COL5A1: variants seen among roughly 807,000 people sequenced by gnomAD.
The protein encoded by COL5A1 is collagen type V alpha 1 chain, also known as collagen alpha-1(V) chain.
In COL5A1, 16 loss-of-function variants were observed where a neutral mutation model predicts 263.7. The observed-to-expected ratio is 0.06, with a 90% confidence interval of 0.04 to 0.09. COL5A1 has a LOEUF of 0.09. COL5A1 is among the 10% of genes least tolerant of loss of function. The pLI is 1.00. For synonymous variants in COL5A1, 1,012 were observed against 1,004.5 expected (o/e 1.01, Z -0.14); for missense variants, 2,036 against 2,540.5 (o/e 0.80, Z 4.27).
intron 1 of COL5A1, among the ~76,000 whole-genome samples, chr9:134,646,880 G>A (rs1831493403): frequency 6.6e-6 from 1 of 152,192 alleles, no homozygotes; most frequent in African/African-American, 2.4e-5. Flanking sequence ...CCTCTGAGGG[G>A]CTGTCGGATG....
At chr9:134,761,580 C>T (rs768721246) in intron 18 of COL5A1, among the ~76,000 whole-genome samples, 21 of 152,212 alleles carry the variant, frequency 1.4e-4, no homozygotes, top group Admixed American at 2.6e-4. Context: ...AGGGTATGAG[C>T]GTGAGGCTGC....
intron 38 of COL5A1, 73 bp from the exon 39 acceptor site, chr9:134,802,815 G>T: frequency 8.7e-7 from 1 of 1,154,184 alleles, no homozygotes; most frequent in South Asian, 1.3e-5. Flanking sequence ...GCTGTCCTTA[G>T]ATTTAGGAAG....
intron 4 of COL5A1, among the ~76,000 whole-genome samples, chr9:134,721,947 C>A (rs1278435884): frequency 6.6e-6 from 1 of 152,208 alleles, no homozygotes; most frequent in Non-Finnish European, 1.5e-5. Flanking sequence ...GAGCCCTGGG[C>A]CAGGATCCAG....
chr9:134,819,811 G>A (rs1342828229), intron 57 of COL5A1, among the ~76,000 whole-genome samples: 5 of 152,212 alleles, frequency 3.3e-5, no homozygotes, highest in South Asian at 2.1e-4. Flanking sequence ...ATTGGAGAGC[G>A]TATACGAAGA....
chr9:134,752,427 G>A (rs926801461), intron 13 of COL5A1, among the ~76,000 whole-genome samples, 162 bp from the exon 14 acceptor site: 1 of 152,046 alleles, frequency 6.6e-6, no homozygotes, highest in Non-Finnish European at 1.5e-5. Flanking sequence ...GTCGGGGGGG[G>A]GGGGCCCTTG....
chr9:134,720,731 G>A (rs1186074003), intron 4 of COL5A1, among the ~76,000 whole-genome samples: 1 of 152,190 alleles, frequency 6.6e-6, no homozygotes, highest in Non-Finnish European at 1.5e-5. Context: ...TGGGGAGACT[G>A]TGGCTCCCAG....
intron 32 of COL5A1, among the ~76,000 whole-genome samples, chr9:134,791,720 G>A (rs909897920): frequency 3.5e-5 from 5 of 143,732 alleles, no homozygotes; most frequent in African/African-American, 1.3e-4. Flanking sequence ...CCCAGGTTTC[G>A]CCCTTGGCCG....
chr9:134,824,938 G>A (rs2132885110), intron 62 of COL5A1, 83 bp downstream of exon 62: 2 of 1,508,548 alleles, frequency 1.3e-6, no homozygotes, highest in East Asian at 2.4e-5. Flanking sequence ...GGACAGTTCA[G>A]CCAGGCACAG....
rs746510456 is a variant in COL5A1, at chr9:134,750,574, C to G, written c.1527C>G (p.Ala509=). Residue 509 remains alanine (A), a synonymous_variant, in exon 12 of 66, where the codon GCC becomes GCG. Transcript: ENST00000371817. ...CTGGACGCCCAGGCCTTCCTGGGGC[C>G]GATGGCCTGCCCGGTCCTCCAGGAA... The part of the protein sequence containing the change: ...GPPGRPGLPG[A]DGLPGPPGTM... 1 of 1,613,556 alleles carries G rather than the reference C, an allele frequency of 6.2e-7. No individual in the cohort carries two copies. The highest frequency in any genetic ancestry group is 1.7e-5 in the Admixed American group (1 of 60,028).
chr9:134,796,134 A>G (rs532728961), intron 34 of COL5A1, among the ~76,000 whole-genome samples: 9 of 152,320 alleles, frequency 5.9e-5, no homozygotes, highest in Admixed American at 2.0e-4. Flanking sequence ...ACTGTTCTGG[A>G]AATGTCCAGC....
At chr9:134,664,226 C>G (rs939883884) in intron 1 of COL5A1, among the ~76,000 whole-genome samples, 14 of 152,162 alleles carry the variant, frequency 9.2e-5, no homozygotes, top group Non-Finnish European at 1.6e-4. Flanking sequence ...CCAGATGGAT[C>G]TGAGATGCGA....
chr9:134,674,426 G>T (rs1365623837), intron 1 of COL5A1, among the ~76,000 whole-genome samples: 1 of 152,148 alleles, frequency 6.6e-6, no homozygotes, highest in Non-Finnish European at 1.5e-5. Context: ...TTGAGAAAAG[G>T]CAGAACTGCA....
chr9:134,841,082 G>A lies in COL5A1; in HGVS notation c.5371-1075G>A, dbSNP rs975319063. 1.3e-5 allele frequency among the ~76,000 whole-genome samples: 2 copies of A among 152,194 alleles called. No homozygotes were observed. The highest frequency in any genetic ancestry group is 2.4e-5 in the African/African-American group (1 of 41,454). ...ATCCTGGGGTCACTGCCTCCCATCC[G>A]GGAGGGAACCCTGGCTGGCCCCTAC... On this transcript the variant is annotated intron_variant, in intron 65 of 65. Transcript: ENST00000371817. This position sits in a 1 kb window ranked among gnomAD's most constrained non-coding sequence, Gnocchi z 4.8.
At chr9:134,702,607 T>C (rs964684625) in intron 4 of COL5A1, among the ~76,000 whole-genome samples, 1 of 152,212 alleles carries the variant, frequency 6.6e-6, no homozygotes, top group African/African-American at 2.4e-5. Context: ...CGATGTCTGC[T>C]CGTGGGGACG....
chr9:134,767,231 AAGATGGAC>A, intron 23 of COL5A1, 71 bp from the exon 24 acceptor site: 1 of 1,511,628 alleles, frequency 6.6e-7, no homozygotes, highest in Non-Finnish European at 9.2e-7. Flanking sequence ...CATCAATGAG[AAGATGGAC>A]AGATGGCAGG....
At position 134,741,426 on chromosome 9, in the gene COL5A1, A is replaced by G. The variant is rs1354380172; in HGVS notation, c.1494+2618A>G. ...ATGTGGAGAAGTGGCTAGACCAAGG[A>G]AAAGGGGGTTTGGGCTTCGCGGGGT... is the stretch of plus-strand genomic sequence containing the variant. On this transcript the variant is annotated intron_variant, in intron 11 of 65. Coordinates refer to ENST00000371817, the MANE Select transcript of COL5A1 (RefSeq NM_000093.5). The surrounding 1 kb of genome is among the most constrained non-coding windows in gnomAD (Gnocchi z 4.5). 6.6e-6 allele frequency among the ~76,000 whole-genome samples: 1 copy of G among 152,196 alleles called. No individual in the cohort carries two copies. The highest frequency in any genetic ancestry group is 1.5e-5 in the Non-Finnish European group (1 of 68,032).
intron 6 of COL5A1, among the ~76,000 whole-genome samples, chr9:134,730,027 GC>G (rs1333879201): frequency 6.6e-6 from 1 of 152,220 alleles, no homozygotes; most frequent in Non-Finnish European, 1.5e-5. Context: ...GGGGCTTGCA[GC>G]TGGGCTGCCT....
chr9:134,672,850 T>C (rs1435877047), intron 1 of COL5A1, among the ~76,000 whole-genome samples: 1 of 152,170 alleles, frequency 6.6e-6, no homozygotes, highest in Non-Finnish European at 1.5e-5. Flanking sequence ...TTACAAAAAT[T>C]CATTGTATTT....
intron 1 of COL5A1, among the ~76,000 whole-genome samples, chr9:134,666,644 A>C (rs574662907): frequency 4.6e-5 from 7 of 152,194 alleles, no homozygotes; most frequent in Non-Finnish European, 1.0e-4. Flanking sequence ...AGGGTGGGGT[A>C]AGCTAGTTTG....
Sources: gnomAD v4.1 joint callset for allele counts (sites outside exome capture counted in the v4.1 genomes callset) on GRCh38, gnomAD v4.1.1 for gene constraint, Gnocchi (gnomAD v3.1) non-coding constraint, MANE v1.5 for transcripts, NCBI Gene and HGNC (gene_info 2026-07-23, HGNC 2026-07-21) for gene names.